Variants in SENP8 observed in about 807,000 individuals in gnomAD.
The protein encoded by SENP8 is sentrin-specific protease 8.
In SENP8, 10 loss-of-function variants were observed where a neutral mutation model predicts 14.4. The ratio of observed to expected loss-of-function variants is 0.69; its 90% confidence interval spans 0.43 to 1.18. The LOEUF (loss-of-function observed/expected upper bound fraction) is 1.18, where lower values mean the gene tolerates loss of function less well. Ranked by LOEUF, SENP8 falls within the 50% of genes most tolerant of loss-of-function variation. SENP8 has a pLI of 0.00. For missense variants in SENP8, 202 were observed against 249.4 expected (o/e 0.81, Z 1.28); for synonymous variants, 94 against 95.5 (o/e 0.98, Z 0.09).
chr15:72,126,441 G>A (rs1030076840), intron 1 of SENP8, among the ~76,000 whole-genome samples: 1 of 151,924 alleles, frequency 6.6e-6, no homozygotes. Flanking sequence ...GGCCAAGCTG[G>A]TGAAACCCTG....
intron 1 of SENP8, among the ~76,000 whole-genome samples, chr15:72,137,399 T>G (rs2081337209): frequency 6.6e-6 from 1 of 152,142 alleles, no homozygotes; most frequent in African/African-American, 2.4e-5. Flanking sequence ...TTCCAGAATC[T>G]TATCCCATAC....
intron 1 of SENP8, among the ~76,000 whole-genome samples, chr15:72,118,974 G>C (rs1281924396): frequency 6.6e-6 from 1 of 152,130 alleles, no homozygotes; most frequent in Non-Finnish European, 1.5e-5. Context: ...AAATACGAAA[G>C]GAGGTAAAAG....
Position 72,139,587 on chromosome 15 carries a change from G to T in SENP8, c.-37G>T, listed in dbSNP as rs2140527954. On this transcript the variant is annotated 5_prime_UTR_variant, in exon 2 of 2. Transcript: ENST00000340912. Reference sequence around the variant, plus strand: ...AATATTGTCTTCTAGCTCTTGTTCAGCTTCTGGAATTTCTGAGCAGCCCTC... The same window carrying T: ...AATATTGTCTTCTAGCTCTTGTTCATCTTCTGGAATTTCTGAGCAGCCCTC... 1 of 1,581,488 alleles carries T rather than the reference G, an allele frequency of 6.3e-7. No homozygotes were observed. The highest frequency in any genetic ancestry group is 1.7e-4 in the Middle Eastern group (1 of 5,878).
At chr15:72,117,626 G>T, upstream of SENP8, 1 of 394,790 alleles carries the variant, frequency 2.5e-6, no homozygotes, top group Non-Finnish European at 4.5e-6. Flanking sequence ...TAGCGAGGCT[G>T]AGACGTGGGC....
intron 1 of SENP8, among the ~76,000 whole-genome samples, chr15:72,122,706 G>A (rs2151323249): frequency 6.6e-6 from 1 of 152,298 alleles, no homozygotes; most frequent in South Asian, 2.1e-4. Context: ...AGAACTTGAG[G>A]TTCAGCTATC....
chr15:72,134,977 A>G (rs987102141), intron 1 of SENP8: 3 of 309,902 alleles, frequency 9.7e-6, no homozygotes, highest in Non-Finnish European at 1.9e-5. Flanking sequence ...AAATGATCAG[A>G]AAAAGAAGGA....
rs1376865693 is a variant in SENP8 at position 72,143,061 on chromosome 15, G to T, written c.*2799G>T. 5 of 152,370 alleles carry T rather than the reference G, an allele frequency of 3.3e-5. No individual in the cohort carries two copies. In the East Asian group the frequency reaches 5.8e-4, roughly 18 times the overall value. The allele number at this position is 152,370 out of a possible 1,614,324, so 9.4% of individuals were successfully genotyped here. A position where few individuals can be genotyped will look rare whatever the true frequency, so the allele number is the denominator to read the frequency against. ...AAAATACAAAAATTAGCCGGGCATGGTAGGTGGGCGCCTGTAATCCCAGCT... is the reference window on the plus strand; with the variant it reads ...AAAATACAAAAATTAGCCGGGCATGTTAGGTGGGCGCCTGTAATCCCAGCT... On this transcript the variant is annotated 3_prime_UTR_variant, in exon 2 of 2. Transcript: ENST00000340912.
chr15:72,131,181 G>A (rs2081270508), intron 1 of SENP8, among the ~76,000 whole-genome samples: 1 of 152,110 alleles, frequency 6.6e-6, no homozygotes, highest in Non-Finnish European at 1.5e-5. Context: ...TCCAGCATGG[G>A]CGACACAGCA....
chr15:72,118,538 T>A (rs1321208947), intron 1 of SENP8, 74 bp downstream of exon 1: 1 of 152,202 alleles, frequency 6.6e-6, no homozygotes, highest in African/African-American at 2.4e-5. Context: ...TTCTGGCGTA[T>A]CCGTGCTCCC....
chr15:72,116,161 A>C (rs1296484121), upstream of SENP8, among the ~76,000 whole-genome samples: 1 of 152,232 alleles, frequency 6.6e-6, no homozygotes, highest in Non-Finnish European at 1.5e-5. Flanking sequence ...AAGAGGAAAA[A>C]TGGGTGGCTG....
At chr15:72,137,186 T>G (rs764583952) in intron 1 of SENP8, among the ~76,000 whole-genome samples, 1 of 152,082 alleles carries the variant, frequency 6.6e-6, no homozygotes, top group Non-Finnish European at 1.5e-5. Flanking sequence ...GTAAAATTAT[T>G]TGGTCTTCTC....
rs566199793 is a variant in SENP8, at chr15:72,139,461, C to A, written c.-47-116C>A. ...GTAAGTAGATCTGCACAGATCAAAC[C>A]CACCTTGTCCAAGGGTCAACTGTGT... On this transcript the variant is annotated intron_variant, in intron 1 of 1. Coordinates refer to ENST00000340912, the MANE Select transcript of SENP8 (RefSeq NM_145204.4). 5.9e-6 allele frequency: 6 copies of A among 1,024,376 alleles called. No individual in the cohort carries two copies. In the East Asian group the frequency reaches 1.4e-4, roughly 25 times the overall value. 63.5% of individuals were successfully genotyped at this position (1,024,376 alleles called of 1,614,324 possible).
intron 1 of SENP8, among the ~76,000 whole-genome samples, chr15:72,137,061 C>G (rs1319017200): frequency 6.6e-6 from 1 of 152,014 alleles, no homozygotes; most frequent in African/African-American, 2.4e-5. Flanking sequence ...TGTTTTCAAA[C>G]CTCATTTTCT....
chr15:72,122,112 C>A (rs1357461596), intron 1 of SENP8, among the ~76,000 whole-genome samples: 5 of 152,058 alleles, frequency 3.3e-5, no homozygotes, highest in Non-Finnish European at 5.9e-5. Context: ...CCTTAAACTT[C>A]TTGGATGGGA....
At chr15:72,136,660 A>G (rs2081330217) in intron 1 of SENP8, among the ~76,000 whole-genome samples, 1 of 152,214 alleles carries the variant, frequency 6.6e-6, no homozygotes, top group South Asian at 2.1e-4. Flanking sequence ...AAATGGTTAT[A>G]TCACAAAAAT....
intron 1 of SENP8, among the ~76,000 whole-genome samples, chr15:72,127,974 A>C (rs1045213469): frequency 6.6e-6 from 1 of 152,150 alleles, no homozygotes; most frequent in African/African-American, 2.4e-5. Context: ...CGTATAGTGC[A>C]TATAGCTACT....
intron 1 of SENP8, 113 bp from the exon 2 acceptor site, chr15:72,139,464 C>T (rs1596660657): frequency 2.8e-6 from 3 of 1,060,188 alleles, no homozygotes; most frequent in Non-Finnish European, 4.1e-6. Flanking sequence ...ATCAAACCCA[C>T]CTTGTCCAAG....
At chr15:72,128,272 T>C (rs1370126942) in intron 1 of SENP8, among the ~76,000 whole-genome samples, 1 of 152,218 alleles carries the variant, frequency 6.6e-6, no homozygotes, top group Non-Finnish European at 1.5e-5. Flanking sequence ...AAGACACCAA[T>C]AAATATATTT....
intron 1 of SENP8, among the ~76,000 whole-genome samples, chr15:72,122,656 G>A (rs1379445838): frequency 6.6e-6 from 1 of 152,116 alleles, no homozygotes; most frequent in Non-Finnish European, 1.5e-5. Flanking sequence ...CAAATAATTG[G>A]AGGCCATTTG....
Sources: gnomAD v4.1 joint callset for allele counts (sites outside exome capture counted in the v4.1 genomes callset) on GRCh38, gnomAD v4.1.1 for gene constraint, MANE v1.5 for transcripts, NCBI Gene and HGNC (gene_info 2026-07-23, HGNC 2026-07-21) for gene names.